OR8D4: variants seen among roughly 807,000 people sequenced by gnomAD.
The protein encoded by OR8D4 is olfactory receptor family 8 subfamily D member 4.
For synonymous variants in OR8D4, 141 were observed against 134.8 expected (o/e 1.05, Z -0.32); for missense variants, 359 against 372.6 (o/e 0.96, Z 0.30).
intron 1 of OR8D4, among the ~76,000 whole-genome samples, chr11:123,904,507 C>T (rs536043948): frequency 4.6e-5 from 7 of 152,266 alleles, no homozygotes; most frequent in Admixed American, 1.3e-4. Flanking sequence ...CTAGACTACA[C>T]ACATGAATGC....
rs1346706197 is a variant in OR8D4, at chr11:123,908,333, T to A, written c.*957T>A. 1.3e-5 allele frequency: 2 copies of A among 152,204 alleles called. No homozygotes were observed. The highest frequency in any genetic ancestry group is 4.8e-5 in the African/African-American group (2 of 41,464). 9.4% of individuals were successfully genotyped at this position (152,204 alleles called of 1,614,324 possible). A position where few individuals can be genotyped will look rare whatever the true frequency, so the allele number is the denominator to read the frequency against. On this transcript the variant is annotated 3_prime_UTR_variant, in exon 2 of 2. Transcript: ENST00000641687. ...AACTTTCTGTTTGTTTCTTTTGAGTTGGTATTTTCTTTGTAAGCTGTAACT... is the reference window on the plus strand; with the variant it reads ...AACTTTCTGTTTGTTTCTTTTGAGTAGGTATTTTCTTTGTAAGCTGTAACT...
chr11:123,904,182 A>G (rs1209984943), intron 1 of OR8D4, among the ~76,000 whole-genome samples: 1 of 152,198 alleles, frequency 6.6e-6, no homozygotes, highest in Non-Finnish European at 1.5e-5. Flanking sequence ...CACACTGTGT[A>G]GTACAAACCT....
At chr11:123,902,605 G>T (rs1863169330) in intron 1 of OR8D4, among the ~76,000 whole-genome samples, 1 of 152,112 alleles carries the variant, frequency 6.6e-6, no homozygotes, top group South Asian at 2.1e-4. Context: ...ATTTTTTACA[G>T]ATTAAAATAT....
In OR8D4 at chr11:123,906,821, G is replaced by T; in HGVS notation, c.390G>T (p.Leu130=). 1 of 1,613,968 alleles carries T rather than the reference G, an allele frequency of 6.2e-7. No individual in the cohort carries two copies. The highest frequency in any genetic ancestry group is 8.5e-7 in the Non-Finnish European group (1 of 1,179,940). ...GCTACGTGGCCATCTGCAGCCCACT[G>T]CTCTACAGGGTCATCATGTCCCCTA... ...CDRYVAICSP[L]LYRVIMSPRV... The change falls in exon 2 of 2, where the codon CTG becomes CTT. Residue 130 remains leucine, a synonymous_variant. Transcript: ENST00000641687.
At chr11:123,904,906 T>C (rs1227716498) in intron 1 of OR8D4, among the ~76,000 whole-genome samples, 5 of 152,144 alleles carry the variant, frequency 3.3e-5, no homozygotes, top group Non-Finnish European at 5.9e-5. Flanking sequence ...ATTGAGCCAT[T>C]TGGGCAAATA....
At chr11:123,904,997 C>T (rs961734583) in intron 1 of OR8D4, among the ~76,000 whole-genome samples, 6 of 152,048 alleles carry the variant, frequency 3.9e-5, no homozygotes, top group Admixed American at 1.3e-4. Flanking sequence ...CATGATTGAC[C>T]CCAGAATAGA....
intron 1 of OR8D4, among the ~76,000 whole-genome samples, chr11:123,904,826 A>G (rs951429744): frequency 6.6e-6 from 1 of 152,222 alleles, no homozygotes; most frequent in Non-Finnish European, 1.5e-5. Context: ...TATATTGGAA[A>G]CAAGAAGACA....
At chr11:123,903,250 C>T (rs2137490753) in intron 1 of OR8D4, among the ~76,000 whole-genome samples, 1 of 152,190 alleles carries the variant, frequency 6.6e-6, no homozygotes, top group South Asian at 2.1e-4. Flanking sequence ...GGGACTTGAG[C>T]ATTCAGGGAT....
intron 1 of OR8D4, among the ~76,000 whole-genome samples, chr11:123,904,088 C>T (rs1454785746): frequency 6.6e-6 from 1 of 152,140 alleles, no homozygotes; most frequent in East Asian, 1.9e-4. Flanking sequence ...TGTAGATCCT[C>T]ACTCAGCAGG....
chr11:123,905,888 T>G (rs1009725876), intron 1 of OR8D4, among the ~76,000 whole-genome samples: 1 of 152,134 alleles, frequency 6.6e-6, no homozygotes, highest in African/African-American at 2.4e-5. Flanking sequence ...ACCAGACACC[T>G]GCAAATTAGC....
chr11:123,905,008 C>T (rs913008034), intron 1 of OR8D4, among the ~76,000 whole-genome samples: 7 of 152,126 alleles, frequency 4.6e-5, no homozygotes, highest in Admixed American at 2.0e-4. Context: ...CCAGAATAGA[C>T]GATTCCAAGA....
At chr11:123,904,246 G>C (rs1332760834) in intron 1 of OR8D4, among the ~76,000 whole-genome samples, 1 of 152,130 alleles carries the variant, frequency 6.6e-6, no homozygotes, top group South Asian at 2.1e-4. Context: ...AACCTCACAG[G>C]CTTGAGAAGA....
chr11:123,903,356 T>A (rs145628243), intron 1 of OR8D4, among the ~76,000 whole-genome samples: 242 of 152,270 alleles, frequency 1.6e-3, no homozygotes, highest in African/African-American at 5.2e-3. Flanking sequence ...ATTTTATCTT[T>A]TTATTCTGAC....
chr11:123,903,774 A>T (rs10750248), intron 1 of OR8D4, among the ~76,000 whole-genome samples: 111,292 of 151,480 alleles, frequency 0.73, 41,210 homozygotes, highest in African/African-American at 0.81. Flanking sequence ...TTGTTGCAAT[A>T]ATCTATTTGA....
intron 1 of OR8D4, among the ~76,000 whole-genome samples, chr11:123,904,129 T>TA (rs1385041632): frequency 1.3e-5 from 2 of 152,106 alleles, no homozygotes; most frequent in Non-Finnish European, 2.9e-5. Flanking sequence ...TGTGCATTGC[T>TA]AAAAAAATCT....
Position 123,906,971 on chromosome 11 carries a change from C to G in OR8D4, c.540C>G (p.Asp180Glu). ...GSNIIKHYFC[D>E]IVPLIKLSCS... ...ACATCATTAAACATTATTTCTGTGA[C>G]ATTGTCCCTCTTATTAAACTCTCCT... is the stretch of plus-strand genomic sequence containing the variant. Residue 180 changes from aspartate to glutamate, a missense_variant, in exon 2 of 2, where the codon GAC becomes GAG. Coordinates refer to ENST00000641687, the MANE Select transcript of OR8D4 (RefSeq NM_001005197.2). 6.2e-7 allele frequency: 1 copy of G among 1,614,056 alleles called. No homozygotes were observed. The highest frequency in any genetic ancestry group is 2.2e-5 in the East Asian group (1 of 44,866).
In OR8D4 at chr11:123,906,660, A is replaced by T. The variant is rs570823925; in HGVS notation, c.229A>T (p.Ile77Phe). ...TTTAGATTTCTGCTATTCTTCTGTC[A>T]TTACCCCTAAAATGCTATCAGGGTT... is the stretch of plus-strand genomic sequence containing the variant. ...SFLDFCYSSV[I>F]TPKMLSGFLC... Residue 77 changes from isoleucine to phenylalanine, a missense_variant, in exon 2 of 2, where the codon ATT becomes TTT. Ile to Phe is a conservative substitution (Grantham distance 21, BLOSUM62 0). Coordinates refer to ENST00000641687, the MANE Select transcript of OR8D4 (RefSeq NM_001005197.2). 4.3e-6 allele frequency: 7 copies of T among 1,613,316 alleles called. No homozygotes were observed. The Admixed American group carries it at 6.7e-5, about 15-fold the overall frequency.
chr11:123,904,656 G>A (rs1275830242), intron 1 of OR8D4, among the ~76,000 whole-genome samples: 2 of 152,146 alleles, frequency 1.3e-5, no homozygotes, highest in African/African-American at 4.8e-5. Flanking sequence ...AAAGACACAG[G>A]TTCTGAAGAA....
Position 123,906,565 on chromosome 11 carries a change from TG to T in OR8D4, c.135del (p.Met45IlefsTer7). On this transcript the variant is annotated frameshift_variant, in exon 2 of 2. Coordinates refer to ENST00000641687, the MANE Select transcript of OR8D4 (RefSeq NM_001005197.2). LOFTEE classifies it low-confidence loss of function (END_TRUNC). ...GTTACTGTGGTGGGAAACCTCAGCA[TG>T]ATCTCAATTATTAGGCTGAATCGTC... ...YTVTVVGNLS[M>X]ISIIRLNRQL... The T allele has an allele frequency of 6.2e-7, 1 of 1,613,958 alleles. No homozygotes were observed. Among genetic ancestry groups the T allele is most frequent in the Non-Finnish European group, 8.5e-7 (1 of 1,179,856 alleles).
Sources: gnomAD v4.1 joint callset for allele counts (sites outside exome capture counted in the v4.1 genomes callset) on GRCh38, gnomAD v4.1.1 for gene constraint, MANE v1.5 for transcripts, NCBI Gene and HGNC (gene_info 2026-07-23, HGNC 2026-07-21) for gene names.